The following VAX2 variants were observed in gnomAD, a reference collection of about 807,000 sequenced individuals.
VAX2 encodes the protein ventral anterior homeobox 2.
VAX2 carries 8 observed loss-of-function variants against 12.5 expected under a neutral mutation model. That is an observed-to-expected ratio of 0.64 (90% CI 0.37 to 1.15). The LOEUF is 1.15. Among genes scored for constraint, VAX2 ranks in the 50% most tolerant of loss-of-function variants. The probability of loss-of-function intolerance (pLI) is 0.01; values close to 1 mark genes in which losing one functional copy is unlikely to be tolerated. For missense variants in VAX2, 476 were observed against 412.9 expected, an observed-to-expected ratio of 1.15 and a Z score of -1.32; for synonymous variants, 183 against 187.6, an observed-to-expected ratio of 0.98 and a Z score of 0.20.
chr2:70,905,809 G>A lies in VAX2; in HGVS notation c.247+4941G>A, dbSNP rs570429686. Among the ~76,000 whole-genome samples the A allele has an allele frequency of 3.3e-5, 5 of 152,330 alleles. No homozygotes were observed. The South Asian group carries it at 6.2e-4, about 19-fold the overall frequency. ...GCTACAGGAAAGGGAGGAGATGGCA[G>A]TGGCATGCACCCGCAGTCAGTCAAA... is the stretch of plus-strand genomic sequence containing the variant. On this transcript the variant is annotated intron_variant, in intron 1 of 2. Transcript: ENST00000234392.
At chr2:70,908,072 G>C (rs1356537843) in intron 1 of VAX2, among the ~76,000 whole-genome samples, 1 of 152,168 alleles carries the variant, frequency 6.6e-6, no homozygotes, top group Non-Finnish European at 1.5e-5. Context: ...GGTTCTTCTA[G>C]ACCTTTGACT....
intron 2 of VAX2, among the ~76,000 whole-genome samples, chr2:70,921,950 A>ATACT (rs561830165): frequency 5.3e-5 from 8 of 152,174 alleles, no homozygotes; most frequent in Non-Finnish European, 1.0e-4. Context: ...ACTACTACTA[A>ATACT]TACTTAGTAC....
At chr2:70,915,449 C>T (rs1052928161) in intron 1 of VAX2, among the ~76,000 whole-genome samples, 7 of 151,976 alleles carry the variant, frequency 4.6e-5, no homozygotes, top group African/African-American at 1.5e-4. Context: ...AGGCTGGTCT[C>T]GAACTCCTGA....
intron 1 of VAX2, among the ~76,000 whole-genome samples, chr2:70,906,471 C>T (rs182885993): frequency 7.3e-4 from 111 of 151,192 alleles, no homozygotes; most frequent in African/African-American, 2.6e-3. Flanking sequence ...AACCATCTCC[C>T]CCGTGGCCTT....
At chr2:70,918,686 G>A (rs1181156177) in intron 1 of VAX2, among the ~76,000 whole-genome samples, 2 of 151,940 alleles carry the variant, frequency 1.3e-5, no homozygotes, top group African/African-American at 4.8e-5. Context: ...CACGAGGTCA[G>A]GAGATTGAGA....
intron 2 of VAX2, among the ~76,000 whole-genome samples, chr2:70,925,750 G>A (rs1490268010): frequency 6.6e-6 from 1 of 152,162 alleles, no homozygotes; most frequent in African/African-American, 2.4e-5. Context: ...CCATGGTGTA[G>A]CCAGGAATTG....
intron 1 of VAX2, among the ~76,000 whole-genome samples, chr2:70,913,659 G>C (rs1679244074): frequency 6.6e-6 from 1 of 151,832 alleles, no homozygotes. Flanking sequence ...CTGGGTGACA[G>C]AGCGAGACTC....
intron 1 of VAX2, among the ~76,000 whole-genome samples, chr2:70,902,046 A>G (rs1678946489): frequency 6.6e-6 from 1 of 152,220 alleles, no homozygotes; most frequent in South Asian, 2.1e-4. Flanking sequence ...GGGAAGGCGA[A>G]CAGGCTGGAA....
intron 2 of VAX2, among the ~76,000 whole-genome samples, chr2:70,929,130 G>A (rs1024422869): frequency 6.6e-6 from 1 of 152,204 alleles, no homozygotes; most frequent in Non-Finnish European, 1.5e-5. Context: ...ATGGGAAAGG[G>A]TTTTCTTCTT....
intron 1 of VAX2, among the ~76,000 whole-genome samples, chr2:70,905,466 C>T (rs145529557): frequency 1.3e-5 from 2 of 151,938 alleles, no homozygotes; most frequent in Non-Finnish European, 1.5e-5. Context: ...TGTTTCCCCC[C>T]CTTCCATAAC....
intron 1 of VAX2, among the ~76,000 whole-genome samples, chr2:70,912,612 A>G (rs1398592409): frequency 2.0e-5 from 3 of 152,198 alleles, no homozygotes; most frequent in Non-Finnish European, 2.9e-5. Context: ...CAGTGAGCTG[A>G]GATCACGCCG....
intron 2 of VAX2, 117 bp from the exon 3 acceptor site, chr2:70,932,650 C>T (rs1205216362): frequency 6.0e-5 from 10 of 166,994 alleles, no homozygotes; most frequent in Admixed American, 1.4e-4. Context: ...CCACCCCCAC[C>T]CCCATCCACC....
rs1679736624 is a variant in VAX2, at chr2:70,933,015, C to G, written c.684C>G (p.Arg228=). The change falls in exon 3 of 3, where the codon CGC becomes CGG. Residue 228 remains arginine, a synonymous_variant. Transcript: ENST00000234392. The part of the protein sequence containing the change: ...SLGDPRNSSP[R]LNPLSSASAS... ...GTGACCCCAGGAACTCCTCCCCACGCCTCAACCCGCTGTCCTCGGCCTCAG... is the reference window on the plus strand; with the variant it reads ...GTGACCCCAGGAACTCCTCCCCACGGCTCAACCCGCTGTCCTCGGCCTCAG... 6.3e-7 allele frequency: 1 copy of G among 1,598,942 alleles called. No homozygotes were observed. The highest frequency in any genetic ancestry group is 1.7e-5 in the Admixed American group (1 of 57,856).
In VAX2 at chr2:70,933,046, C is replaced by T. The variant is rs782438202; in HGVS notation, c.715C>T (p.Pro239Ser). 49 of 1,600,876 alleles carry T rather than the reference C, an allele frequency of 3.1e-5. No homozygotes were observed. In the Middle Eastern group the frequency reaches 6.7e-4, roughly 22 times the overall value. ...CCCGCTGTCCTCGGCCTCAGCGTCC[C>T]CCCCACTGCCGCCCCCTCTGCCAGC... Reference protein sequence around the residue: ...LNPLSSASASPPLPPPLPAVC... With the variant: ...LNPLSSASASSPLPPPLPAVC... The change falls in exon 3 of 3, where the codon CCC (proline) becomes TCC (serine). Residue 239 changes from proline (P) to serine (S), a missense_variant. Coordinates refer to ENST00000234392, the MANE Select transcript of VAX2 (RefSeq NM_012476.3).
chr2:70,909,746 A>C (rs782410468), intron 1 of VAX2, among the ~76,000 whole-genome samples: 50 of 152,158 alleles, frequency 3.3e-4, no homozygotes, highest in Admixed American at 9.2e-4. Flanking sequence ...ATTCTTTTTA[A>C]CCACTGTATA....
At chr2:70,923,197 G>A (rs543375863) in intron 2 of VAX2, among the ~76,000 whole-genome samples, 2 of 152,262 alleles carry the variant, frequency 1.3e-5, no homozygotes, top group African/African-American at 4.8e-5. Context: ...CCTCCGCACT[G>A]TTCTCACTAC....
chr2:70,915,494 T>C (rs1374603579), intron 1 of VAX2, among the ~76,000 whole-genome samples: 1 of 152,168 alleles, frequency 6.6e-6, no homozygotes, highest in Non-Finnish European at 1.5e-5. Flanking sequence ...CCTCCCAAAG[T>C]GCTGGGATTA....
At chr2:70,923,610 T>C (rs1416638947) in intron 2 of VAX2, among the ~76,000 whole-genome samples, 25 of 152,236 alleles carry the variant, frequency 1.6e-4, no homozygotes, top group Admixed American at 1.6e-3. Flanking sequence ...CATCGCCCTC[T>C]GCAGGTTTGA....
chr2:70,918,289 A>T (rs977941465), intron 1 of VAX2, among the ~76,000 whole-genome samples: 11 of 152,142 alleles, frequency 7.2e-5, no homozygotes, highest in African/African-American at 1.9e-4. Context: ...CTGAGCCAGG[A>T]CTCTTGAGCC....
Sources: allele counts gnomAD v4.1 joint callset (sites outside exome capture counted in the v4.1 genomes callset), GRCh38; gene constraint gnomAD v4.1.1; transcripts MANE v1.5; gene names NCBI Gene and HGNC (gene_info 2026-07-23, HGNC 2026-07-21).